Variants in PRKD1 observed in about 807,000 individuals in gnomAD.
PRKD1 encodes serine/threonine-protein kinase D1.
PRKD1 carries 63 observed loss-of-function variants against 95.9 expected under a neutral mutation model. That is an observed-to-expected ratio of 0.66 (90% CI 0.54 to 0.81). The LOEUF (loss-of-function observed/expected upper bound fraction) is 0.81. Among genes scored for constraint, PRKD1 ranks in the 30% least tolerant of loss-of-function variants. The pLI, the probability that PRKD1 is intolerant of heterozygous loss-of-function variation, is 0.00. For missense variants in PRKD1, 1,048 were observed against 1,165.3 expected (o/e 0.90, Z 1.47); for synonymous variants, 425 against 423.1 (o/e 1.00, Z -0.05).
chr14:29,610,933 T>C (rs1878417527), intron 13 of PRKD1, among the ~76,000 whole-genome samples: 1 of 152,174 alleles, frequency 6.6e-6, no homozygotes, highest in East Asian at 1.9e-4. Flanking sequence ...TCCAGCTATG[T>C]GACATTCTGG....
chr14:29,852,205 T>C (rs114736704), intron 1 of PRKD1, among the ~76,000 whole-genome samples: 2,239 of 152,136 alleles, frequency 0.015, 54 homozygotes, highest in African/African-American at 0.046. Flanking sequence ...ATGTAAAAAA[T>C]CTGCATATTA....
At position 29,596,490 on chromosome 14, in the gene PRKD1, G is replaced by A. The variant is rs537724576; in HGVS notation, c.2434+1001C>T. Among the ~76,000 whole-genome samples the A allele has an allele frequency of 2.2e-3, 337 of 152,212 alleles. 1 individual carries two copies. Among genetic ancestry groups the A allele is most frequent in the Middle Eastern group, 6.8e-3 (2 of 294 alleles). ...TTTTTTTGAGATGGAGTCTTACTCT[G>A]TTGCCCAGGCTAGAGTGCAGTGGTG... On this transcript the variant is annotated intron_variant, in intron 16 of 17. Transcript: ENST00000331968.
intron 4 of PRKD1, among the ~76,000 whole-genome samples, chr14:29,662,387 T>C (rs1157213510): frequency 6.6e-6 from 1 of 152,146 alleles, no homozygotes. Flanking sequence ...TAAGCACTTA[T>C]CAGTAAGAAT....
intron 1 of PRKD1, among the ~76,000 whole-genome samples, chr14:29,828,939 G>A (rs1891300097): frequency 6.6e-6 from 1 of 152,204 alleles, no homozygotes. Context: ...GTCCTTAAGT[G>A]ACAATAGAAC....
At chr14:29,738,371 C>T (rs1291559498) in intron 1 of PRKD1, among the ~76,000 whole-genome samples, 1 of 152,144 alleles carries the variant, frequency 6.6e-6, no homozygotes, top group Non-Finnish European at 1.5e-5. Flanking sequence ...CCACCACTCC[C>T]TGCCAAAGTA....
At chr14:29,715,513 C>T (rs1314027662) in intron 2 of PRKD1, among the ~76,000 whole-genome samples, 1 of 152,084 alleles carries the variant, frequency 6.6e-6, no homozygotes, top group Non-Finnish European at 1.5e-5. Context: ...CTGCATATCT[C>T]TCAGCCAATT....
Position 29,679,500 on chromosome 14 carries a change from G to A in PRKD1, c.404-13292C>T, listed in dbSNP as rs182775737. ...CCTCCAGCATATTTAAAACAAAGTGGAATTCATATTTTATTTAGTAGATTC... is the reference window on the plus strand; with the variant it reads ...CCTCCAGCATATTTAAAACAAAGTGAAATTCATATTTTATTTAGTAGATTC... On this transcript the variant is annotated intron_variant, in intron 2 of 17. Transcript: ENST00000331968. Among the ~76,000 whole-genome samples the A allele has an allele frequency of 2.6e-5, 4 of 152,218 alleles. No homozygotes were observed. In the East Asian group the frequency reaches 7.7e-4, roughly 29 times the overall value.
In PRKD1 at chr14:29,675,817, A is replaced by G. The variant is rs186505542; in HGVS notation, c.404-9609T>C. Among the ~76,000 whole-genome samples, 1,022 of 152,218 alleles carry G rather than the reference A, an allele frequency of 6.7e-3. 10 individuals are homozygous for G. The highest frequency in any genetic ancestry group is 0.023 in the African/African-American group (966 of 41,526). On this transcript the variant is annotated intron_variant, in intron 2 of 17. Transcript: ENST00000331968. ...TGCCACCATAAAAAAGGATGAGTTCATGTCCTTTGCAGGGACATGGATGAA... is the reference window on the plus strand; with the variant it reads ...TGCCACCATAAAAAAGGATGAGTTCGTGTCCTTTGCAGGGACATGGATGAA...
In PRKD1 at chr14:29,636,290, C is replaced by T; in HGVS notation, c.1190G>A (p.Ser397Asn). Residue 397 changes from serine (S) to asparagine (N), a missense_variant and splice_region_variant, in exon 7 of 18, where the codon AGT becomes AAT. Ser to Asn is a conservative substitution (Grantham distance 46). Transcript: ENST00000331968. The stretch of plus-strand genomic sequence containing the variant: ...CTGAGGCTGGGAGTGCTGCTCTCAC[C>T]TGATGGTTCTGTTGGCGTCCTCGTG... ...PDHEDANRTI[S>N]PSTSNNIPLM... 1 of 1,614,214 alleles carries T rather than the reference C, an allele frequency of 6.2e-7. No homozygotes were observed. The highest frequency in any genetic ancestry group is 1.3e-5 in the African/African-American group (1 of 75,058).
intron 1 of PRKD1, among the ~76,000 whole-genome samples, chr14:29,925,154 A>G (rs1895252938): frequency 6.6e-6 from 1 of 152,166 alleles, no homozygotes; most frequent in African/African-American, 2.4e-5. Flanking sequence ...TAGAATAAAT[A>G]CAAAAGGAAA....
intron 1 of PRKD1, among the ~76,000 whole-genome samples, chr14:29,837,425 T>C (rs188285741): frequency 4.3e-4 from 66 of 152,296 alleles, no homozygotes; most frequent in African/African-American, 1.5e-3. Context: ...TGATTGTTTA[T>C]TCAGCTTTCT....
chr14:29,740,037 CCTCA>C (rs1886915572), intron 1 of PRKD1, among the ~76,000 whole-genome samples: 1 of 152,072 alleles, frequency 6.6e-6, no homozygotes, highest in Non-Finnish European at 1.5e-5. Context: ...TCAATGAGAG[CCTCA>C]CTATTGTTGT....
chr14:29,704,706 G>T (rs756371937), intron 2 of PRKD1, among the ~76,000 whole-genome samples: 3 of 151,988 alleles, frequency 2.0e-5, no homozygotes, highest in Non-Finnish European at 4.4e-5. Context: ...TTTTGTTTGA[G>T]ACCCCAAACT....
chr14:29,632,955 GAAGT>G lies in PRKD1; in HGVS notation c.1315-13_1315-10del, dbSNP rs773690348. 2.5e-6 allele frequency: 4 copies of G among 1,608,240 alleles called. No homozygotes were observed. Among genetic ancestry groups the G allele is most frequent in the Non-Finnish European group, 1.7e-6 (2 of 1,174,784 alleles). On this transcript the variant is annotated splice_polypyrimidine_tract_variant and intron_variant, in intron 8 of 17. Transcript: ENST00000331968. ...CAATAGTGCCGTTTCCGCTGAAACA[GAAGT>G]TAGATCCAAGATCTTTTTAAAAAAC...
intron 1 of PRKD1, among the ~76,000 whole-genome samples, chr14:29,908,484 A>T (rs1333100805): frequency 1.3e-5 from 2 of 151,954 alleles, no homozygotes; most frequent in Non-Finnish European, 2.9e-5. Context: ...ACGGGGTTTC[A>T]CTATGTTGGC....
At chr14:29,722,789 T>C (rs1002852912) in intron 2 of PRKD1, among the ~76,000 whole-genome samples, 12 of 152,258 alleles carry the variant, frequency 7.9e-5, no homozygotes, top group African/African-American at 2.4e-4. Flanking sequence ...TAACAGGTAT[T>C]GCAGGCCCTG....
At chr14:29,901,004 A>G (rs1331978834) in intron 1 of PRKD1, among the ~76,000 whole-genome samples, 1 of 152,190 alleles carries the variant, frequency 6.6e-6, no homozygotes, top group African/African-American at 2.4e-5. Flanking sequence ...CCCAAAAGAA[A>G]ATAATTCATT....
intron 1 of PRKD1, among the ~76,000 whole-genome samples, chr14:29,813,602 G>T (rs765079404): frequency 3.9e-5 from 6 of 152,096 alleles, no homozygotes; most frequent in Non-Finnish European, 8.8e-5. Flanking sequence ...ACTACCCAAA[G>T]AGCACCTATT....
chr14:29,849,835 A>G (rs943080061), intron 1 of PRKD1, among the ~76,000 whole-genome samples: 1 of 152,336 alleles, frequency 6.6e-6, no homozygotes, highest in South Asian at 2.1e-4. Context: ...CCAACAATAC[A>G]TAAAATCTTC....
Sources: allele counts gnomAD v4.1 joint callset (sites outside exome capture counted in the v4.1 genomes callset), GRCh38; gene constraint gnomAD v4.1.1; transcripts MANE v1.5; gene names NCBI Gene and HGNC (gene_info 2026-07-23, HGNC 2026-07-21).